The following MMP2 variants were observed in gnomAD, a reference collection of about 807,000 sequenced individuals.
MMP2 encodes the protein 72 kDa type IV collagenase.
A neutral mutation model predicts 74.8 loss-of-function variants in MMP2; 39 were observed. The observed-to-expected ratio is 0.52, with a 90% CI of 0.40 to 0.68. The LOEUF is 0.68. Ranked by LOEUF, MMP2 falls within the 30% of genes least tolerant of loss-of-function variation. The pLI is 0.00. For synonymous variants in MMP2, 367 were observed against 339.8 expected, an observed-to-expected ratio of 1.08 and a Z score of -0.88; for missense variants, 803 against 878.3, an observed-to-expected ratio of 0.91 and a Z score of 1.08.
chr16:55,484,888 A>G (rs560573792), intron 3 of MMP2, among the ~76,000 whole-genome samples: 1 of 152,252 alleles, frequency 6.6e-6, no homozygotes, highest in Non-Finnish European at 1.5e-5. Context: ...CATGTTGCAG[A>G]TATTGGTGAT....
chr16:55,503,423 G>A (rs570880230), intron 12 of MMP2, among the ~76,000 whole-genome samples: 2 of 152,218 alleles, frequency 1.3e-5, no homozygotes, highest in South Asian at 2.1e-4. Context: ...CTCTTGAGGA[G>A]GCATCTGTGA....
chr16:55,488,254 T>C (rs1962306483), intron 5 of MMP2: 4 of 475,878 alleles, frequency 8.4e-6, no homozygotes, highest in South Asian at 2.1e-5. Flanking sequence ...GACAGTGCCC[T>C]TGGGGCTGAG....
chr16:55,483,534 G>A (rs1454551847), intron 2 of MMP2, among the ~76,000 whole-genome samples: 1 of 152,134 alleles, frequency 6.6e-6, no homozygotes, highest in Non-Finnish European at 1.5e-5. Flanking sequence ...TGGGCAGAAG[G>A]AACGTGATGA....
intron 11 of MMP2, among the ~76,000 whole-genome samples, chr16:55,500,983 C>T (rs1005380666): frequency 3.9e-5 from 6 of 152,270 alleles, no homozygotes; most frequent in South Asian, 4.1e-4. Context: ...GCTGGAGAGA[C>T]GGGGGTCAAA....
intron 8 of MMP2, 29 bp downstream of exon 8, chr16:55,491,985 G>A: frequency 7.1e-7 from 1 of 1,411,836 alleles, no homozygotes; most frequent in Non-Finnish European, 9.8e-7. Flanking sequence ...GTTGGGGGTG[G>A]AGGGTGAGGA....
chr16:55,502,821 G>C lies in MMP2; in HGVS notation c.1812G>C (p.Lys604Asn), dbSNP rs1210113715. 1 of 1,614,002 alleles carries C rather than the reference G, an allele frequency of 6.2e-7. No homozygotes were observed. Among genetic ancestry groups the C allele is most frequent in the Non-Finnish European group, 8.5e-7 (1 of 1,180,046 alleles). ...AGAAAATGGATCCTGGCTTCCCCAAGCTCATCGCAGATGCCTGGAATGCCA... is the reference window on the plus strand; with the variant it reads ...AGAAAATGGATCCTGGCTTCCCCAACCTCATCGCAGATGCCTGGAATGCCA... ...VKKKMDPGFPKLIADAWNAIP... is the reference protein window; with the variant it reads ...VKKKMDPGFPNLIADAWNAIP... Residue 604 changes from lysine (K) to asparagine (N), a missense_variant, in exon 12 of 13, where the codon AAG becomes AAC. By Grantham distance (94) the Lys-to-Asn change is moderately conservative (BLOSUM62 0). Coordinates refer to ENST00000219070, the MANE Select transcript of MMP2 (RefSeq NM_004530.6).
At chr16:55,483,295 G>A (rs1455792569) in intron 2 of MMP2, among the ~76,000 whole-genome samples, 160 bp downstream of exon 2, 1 of 152,204 alleles carries the variant, frequency 6.6e-6, no homozygotes. Flanking sequence ...AATGAAGTCA[G>A]ACAGACTTGA....
chr16:55,494,984 TAGA>T (rs1962497662), intron 9 of MMP2, among the ~76,000 whole-genome samples: 1 of 152,220 alleles, frequency 6.6e-6, no homozygotes, highest in East Asian at 1.9e-4. Context: ...CTGGTGAGGC[TAGA>T]AGATGTTCCA....
chr16:55,480,227 G>A (rs1301219734), intron 1 of MMP2, among the ~76,000 whole-genome samples: 1 of 152,164 alleles, frequency 6.6e-6, no homozygotes, highest in Non-Finnish European at 1.5e-5. Context: ...TCCGGAGAGG[G>A]ACCTTTAAAC....
intron 1 of MMP2, among the ~76,000 whole-genome samples, chr16:55,481,008 C>T (rs780897559): frequency 1.4e-4 from 21 of 152,224 alleles, no homozygotes; most frequent in Admixed American, 2.6e-4. Flanking sequence ...GGATGAACCC[C>T]TAAATTGGGG....
At position 55,479,584 on chromosome 16, in the gene MMP2, C is replaced by T. The variant is rs764055331; in HGVS notation, c.105C>T (p.Ile35=). The T allele has an allele frequency of 5.9e-5, 96 of 1,613,590 alleles. No homozygotes were observed. The highest frequency in any genetic ancestry group is 5.1e-4 in the East Asian group (23 of 44,874). ...CCGCCGCCGCGCCGTCGCCCATCAT[C>T]AAGTTCCCCGGCGATGTCGCCCCCA... ...SHAAAAPSPI[I]KFPGDVAPKT... The change falls in exon 1 of 13, where the codon ATC becomes ATT. Residue 35 remains isoleucine, a synonymous_variant. Transcript: ENST00000219070.
At position 55,505,553 on chromosome 16, in the gene MMP2, G is replaced by T; in HGVS notation, c.*111G>T. ...TGGCAGCCGTGCCTTCAGCTCTACA[G>T]CTAATCAGCATTCTCACTCCTACCT... On this transcript the variant is annotated 3_prime_UTR_variant, in exon 13 of 13. Coordinates refer to ENST00000219070, the MANE Select transcript of MMP2 (RefSeq NM_004530.6). 1 of 866,970 alleles carries T rather than the reference G, an allele frequency of 1.2e-6. No individual in the cohort carries two copies. Among genetic ancestry groups the T allele is most frequent in the Non-Finnish European group, 2.0e-6 (1 of 510,916 alleles). 53.7% of individuals were successfully genotyped at this position (866,970 alleles called of 1,614,324 possible).
At chr16:55,505,209 C>T (rs1363679936) in intron 12 of MMP2, 130 bp from the exon 13 acceptor site, 1 of 840,144 alleles carries the variant, frequency 1.2e-6, no homozygotes, top group Non-Finnish European at 2.1e-6. Flanking sequence ...CCTGCCTCAG[C>T]CTTTCAAAGC....
At chr16:55,503,214 C>T (rs1962714314) in intron 12 of MMP2, among the ~76,000 whole-genome samples, 2 of 152,182 alleles carry the variant, frequency 1.3e-5, no homozygotes, top group African/African-American at 4.8e-5. Flanking sequence ...TTGATCCAGG[C>T]CCATTTGCGT....
chr16:55,495,999 A>G (rs1395837059), intron 9 of MMP2, among the ~76,000 whole-genome samples: 1 of 152,206 alleles, frequency 6.6e-6, no homozygotes, highest in Non-Finnish European at 1.5e-5. Context: ...ACACCACTGT[A>G]AGTCATATGG....
Position 55,505,542 on chromosome 16 carries a change from T to C in MMP2, c.*100T>C. The C allele has an allele frequency of 1.0e-6, 1 of 965,192 alleles. No individual in the cohort carries two copies. The highest frequency in any genetic ancestry group is 1.3e-5 in the South Asian group (1 of 77,238). 59.8% of individuals were successfully genotyped at this position (965,192 alleles called of 1,614,324 possible). A position where few individuals can be genotyped will look rare whatever the true frequency, so the allele number is the denominator to read the frequency against. On this transcript the variant is annotated 3_prime_UTR_variant, in exon 13 of 13. Coordinates refer to ENST00000219070, the MANE Select transcript of MMP2 (RefSeq NM_004530.6). ...CCGGAGGGGCCTGGCAGCCGTGCCT[T>C]CAGCTCTACAGCTAATCAGCATTCT...
intron 11 of MMP2, among the ~76,000 whole-genome samples, chr16:55,500,491 G>GCA (rs1390341238): frequency 2.0e-5 from 1 of 49,302 alleles, no homozygotes; most frequent in Middle Eastern, 0.014. Flanking sequence ...GCGCATGTGC[G>GCA]CATACACACA....
chr16:55,493,315 T>C (rs1291555420), intron 9 of MMP2, 22 bp downstream of exon 9: 1 of 1,613,924 alleles, frequency 6.2e-7, no homozygotes, highest in African/African-American at 1.3e-5. Flanking sequence ...AGCTTGCTTC[T>C]TGTCCTCCTT....
At chr16:55,498,550 G>A in intron 11 of MMP2, 102 bp downstream of exon 11, 2 of 1,512,798 alleles carry the variant, frequency 1.3e-6, no homozygotes, top group South Asian at 2.3e-5. Context: ...AGAGGTTGGT[G>A]GGCTCTGGAT....
Sources: gnomAD v4.1 joint callset for allele counts (sites outside exome capture counted in the v4.1 genomes callset) on GRCh38, gnomAD v4.1.1 for gene constraint, MANE v1.5 for transcripts, NCBI Gene and HGNC (gene_info 2026-07-23, HGNC 2026-07-21) for gene names.